Variants in SLC14A2 observed in about 807,000 individuals in gnomAD.
SLC14A2 encodes solute carrier family 14 member 2.
In SLC14A2, 91 loss-of-function variants were observed where a neutral mutation model predicts 104.6. The ratio of observed to expected loss-of-function variants is 0.87; its 90% CI spans 0.73 to 1.04. The LOEUF is 1.04. Ranked by LOEUF, SLC14A2 falls within the 50% of genes least tolerant of loss-of-function variation. The probability of loss-of-function intolerance (pLI) is 0.00; values close to 1 mark genes in which losing one functional copy is unlikely to be tolerated. For synonymous variants in SLC14A2, 476 were observed against 466.4 expected (o/e 1.02, Z -0.27); for missense variants, 1,189 against 1,156.0 (o/e 1.03, Z -0.41).
chr18:45,562,965 G>A (rs1261189667), intron 2 of SLC14A2, among the ~76,000 whole-genome samples: 2 of 152,198 alleles, frequency 1.3e-5, no homozygotes, highest in Middle Eastern at 6.3e-3. Flanking sequence ...AATTATCCCT[G>A]TGCTATTAAT....
intron 1 of SLC14A2, among the ~76,000 whole-genome samples, chr18:45,460,897 G>C (rs1190150089): frequency 6.6e-6 from 1 of 152,086 alleles, no homozygotes; most frequent in Non-Finnish European, 1.5e-5. Context: ...AAGGAAAAAA[G>C]GCTTTGACTC....
intron 2 of SLC14A2, among the ~76,000 whole-genome samples, chr18:45,539,014 C>G (rs559568893): frequency 1.8e-4 from 27 of 152,056 alleles, no homozygotes; most frequent in African/African-American, 6.3e-4. Context: ...CTATAAAGGT[C>G]AGAGAAGACT....
chr18:45,506,340 G>A (rs1187715795), intron 2 of SLC14A2, among the ~76,000 whole-genome samples: 2 of 152,140 alleles, frequency 1.3e-5, no homozygotes, highest in Admixed American at 1.3e-4. Flanking sequence ...TCACACACCA[G>A]CAGAGCCACT....
chr18:45,682,500 A>G lies in SLC14A2; in HGVS notation c.2744A>G (p.Gln915Arg), dbSNP rs2046325789. ...NRRASIITKYQAYDVS is the reference protein window; with the variant it reads ...NRRASIITKYRAYDVS Reference sequence around the variant, plus strand: ...AGGGCATCAATCATAACAAAGTATCAGGCCTACGATGTCTCCTAAGTTTCC... The same window carrying G: ...AGGGCATCAATCATAACAAAGTATCGGGCCTACGATGTCTCCTAAGTTTCC... Residue 915 changes from glutamine to arginine, a missense_variant, in exon 20 of 20, where the codon CAG becomes CGG. Transcript: ENST00000255226. 2 of 1,614,060 alleles carry G rather than the reference A, an allele frequency of 1.2e-6. No individual in the cohort carries two copies. The highest frequency in any genetic ancestry group is 1.7e-6 in the Non-Finnish European group (2 of 1,179,896).
At chr18:45,273,756 A>G (rs1210748323) in intron 1 of SLC14A2, among the ~76,000 whole-genome samples, 1 of 152,178 alleles carries the variant, frequency 6.6e-6, no homozygotes, top group African/African-American at 2.4e-5. Context: ...ATGTGTTAGC[A>G]CAGATTGTAC....
At chr18:45,388,687 G>C (rs994943780) in intron 1 of SLC14A2, among the ~76,000 whole-genome samples, 2 of 152,082 alleles carry the variant, frequency 1.3e-5, no homozygotes, top group Non-Finnish European at 2.9e-5. Context: ...TCCACTCCAT[G>C]TTTCTCATCC....
chr18:45,203,681 C>T, the SLC14A2 span, among the ~76,000 whole-genome samples: 1 of 152,174 alleles, frequency 6.6e-6, no homozygotes, highest in Non-Finnish European at 1.5e-5. Context: ...TCACATATGG[C>T]ATCTTTCAAT....
At chr18:45,414,756 AAATATAT>A (rs1235517840) in intron 1 of SLC14A2, among the ~76,000 whole-genome samples, 5 of 71,354 alleles carry the variant, frequency 7.0e-5, no homozygotes, top group South Asian at 5.1e-4. Context: ...AAAAAAAAAA[AAATATAT>A]ATATATATAT....
intron 1 of SLC14A2, among the ~76,000 whole-genome samples, chr18:45,240,657 T>G (rs868322755): frequency 1.9e-4 from 28 of 149,908 alleles, no homozygotes; most frequent in Admixed American, 3.3e-4. Context: ...TTTGTTTTTG[T>G]TTTTGGTTTT....
intron 1 of SLC14A2, among the ~76,000 whole-genome samples, chr18:45,355,502 G>A (rs936781654): frequency 4.3e-5 from 6 of 139,612 alleles, no homozygotes; most frequent in East Asian, 4.2e-4. Flanking sequence ...CACTTGAACC[G>A]AGGAAGCAGA....
intron 1 of SLC14A2, among the ~76,000 whole-genome samples, chr18:45,360,867 T>G (rs1467956881): frequency 1.3e-5 from 2 of 152,192 alleles, no homozygotes; most frequent in African/African-American, 4.8e-5. Flanking sequence ...GATTTTGTAG[T>G]GTTGTACATT....
chr18:45,177,760 A>G, the SLC14A2 span, among the ~76,000 whole-genome samples: 1 of 152,192 alleles, frequency 6.6e-6, no homozygotes, highest in Non-Finnish European at 1.5e-5. Flanking sequence ...GATCTATTTT[A>G]TTAGTAGTTT....
At chr18:45,374,993 AT>A (rs1451531250) in intron 1 of SLC14A2, among the ~76,000 whole-genome samples, 2 of 152,244 alleles carry the variant, frequency 1.3e-5, no homozygotes, top group African/African-American at 4.8e-5. Context: ...CCTCAGATTT[AT>A]AAAGGTAATA....
rs184696705 is a variant in SLC14A2 at position 45,424,482 on chromosome 18, G to A, written c.-124-58751G>A. Among the ~76,000 whole-genome samples the A allele has an allele frequency of 6.0e-4, 92 of 152,336 alleles. 1 individual carries two copies. The highest frequency in any genetic ancestry group is 2.2e-3 in the African/African-American group (90 of 41,584). ...GGATGCCTGAAGGCAGGAAGAAAGGGGGTAGGGTCAGCAGGCCCAGGGGCT... is the reference window on the plus strand; with the variant it reads ...GGATGCCTGAAGGCAGGAAGAAAGGAGGTAGGGTCAGCAGGCCCAGGGGCT... On this transcript the variant is annotated intron_variant, in intron 1 of 20. Coordinates refer to the SLC14A2 transcript ENST00000586448.
intron 1 of SLC14A2, among the ~76,000 whole-genome samples, chr18:45,329,654 C>T (rs2085270268): frequency 6.6e-6 from 1 of 152,140 alleles, no homozygotes; most frequent in South Asian, 2.1e-4. Context: ...ATATGTATAC[C>T]TTGACTCTGC....
intron 1 of SLC14A2, among the ~76,000 whole-genome samples, chr18:45,391,400 C>A (rs1022725935): frequency 3.9e-5 from 6 of 152,208 alleles, no homozygotes; most frequent in Non-Finnish European, 7.3e-5. Flanking sequence ...ATGCATGTGT[C>A]TTTAAAGCAG....
At chr18:45,340,646 T>G (rs942082312) in intron 1 of SLC14A2, among the ~76,000 whole-genome samples, 1 of 152,214 alleles carries the variant, frequency 6.6e-6, no homozygotes, top group Non-Finnish European at 1.5e-5. Context: ...TCCTGGTCTT[T>G]TGTAGGCTAG....
the SLC14A2 span, among the ~76,000 whole-genome samples, chr18:45,188,601 G>C: frequency 3.3e-5 from 5 of 152,050 alleles, no homozygotes; most frequent in African/African-American, 1.2e-4. Flanking sequence ...AGGATCCCAG[G>C]TTTCAACTCC....
chr18:45,668,596 CAG>C, intron 15 of SLC14A2, 119 bp downstream of exon 15: 1 of 1,105,406 alleles, frequency 9.0e-7, no homozygotes, highest in Non-Finnish European at 1.3e-6. Context: ...GCTTGCACAT[CAG>C]AAATGTCCAC....
Sources: gnomAD v4.1 joint callset for allele counts (sites outside exome capture counted in the v4.1 genomes callset) on GRCh38, gnomAD v4.1.1 for gene constraint, MANE v1.5 for transcripts, NCBI Gene and HGNC (gene_info 2026-07-23, HGNC 2026-07-21) for gene names.